Variants in PRSS12 observed in about 807,000 individuals in gnomAD.
PRSS12 encodes the protein neurotrypsin.
PRSS12 carries 85 observed loss-of-function variants against 104.4 expected under a neutral mutation model. That is an observed-to-expected ratio of 0.81 (90% CI 0.68 to 0.98). The LOEUF (loss-of-function observed/expected upper bound fraction) is 0.98. Among genes scored for constraint, PRSS12 ranks in the 50% least tolerant of loss-of-function variants. The probability of loss-of-function intolerance (pLI) is 0.00; values close to 1 mark genes in which losing one functional copy is unlikely to be tolerated. For synonymous variants in PRSS12, 454 were observed against 425.2 expected (o/e 1.07, Z -0.83); for missense variants, 1,141 against 1,139.2 (o/e 1.00, Z -0.02).
At chr4:118,328,118 G>C (rs1423373174) in intron 4 of PRSS12, among the ~76,000 whole-genome samples, 1 of 152,184 alleles carries the variant, frequency 6.6e-6, no homozygotes, top group Non-Finnish European at 1.5e-5. Context: ...ATCCTCATCT[G>C]AAAGTACTTA....
At chr4:118,298,295 CT>C (rs1404669511) in intron 9 of PRSS12, among the ~76,000 whole-genome samples, 1 of 151,970 alleles carries the variant, frequency 6.6e-6, no homozygotes, top group Non-Finnish European at 1.5e-5. Flanking sequence ...ACATCATTTT[CT>C]TTTTGAAATT....
At chr4:118,332,421 T>A (rs1054990908) in intron 3 of PRSS12, among the ~76,000 whole-genome samples, 1 of 152,138 alleles carries the variant, frequency 6.6e-6, no homozygotes, top group African/African-American at 2.4e-5. Context: ...ATGAATCAGC[T>A]CATATCCGTT....
chr4:118,282,195 G>C lies in PRSS12; in HGVS notation c.2369C>G (p.Pro790Arg), dbSNP rs1742895440. 3 of 1,614,172 alleles carry C rather than the reference G, an allele frequency of 1.9e-6. No individual in the cohort carries two copies. Among genetic ancestry groups the C allele is most frequent in the African/African-American group, 2.7e-5 (2 of 75,030 alleles). Residue 790 changes from proline to arginine, a missense_variant, in exon 13 of 13, where the codon CCT becomes CGT. Transcript: ENST00000296498. Reference protein sequence around the residue: ...TLQQAAIPLLPKRFCEERYKG... With the variant: ...TLQQAAIPLLRKRFCEERYKG... The stretch of plus-strand genomic sequence containing the variant: ...ATAACGTTCTTCACAAAACCTTTTA[G>C]GAAGTAAGGGAATGGCTGCTTGTTG...
In PRSS12 at chr4:118,298,754, C is replaced by T; in HGVS notation, c.1816G>A (p.Ala606Thr). ...GVICDYFGKKASGNSNKESLS... is the reference protein window; with the variant it reads ...GVICDYFGKKTSGNSNKESLS... ...TTACCTTTATTACTGTTACCTGAGG[C>T]CTTCTTGCCAAAATAATCACAAATA... is the stretch of plus-strand genomic sequence containing the variant. The change falls in exon 9 of 13, where the codon GCC becomes ACC. Residue 606 changes from alanine (A) to threonine (T), a missense_variant. Physicochemically the swap from Ala to Thr is moderately conservative, Grantham distance 58 (BLOSUM62 0). Coordinates refer to ENST00000296498, the MANE Select transcript of PRSS12 (RefSeq NM_003619.4). 1 of 1,614,032 alleles carries T rather than the reference C, an allele frequency of 6.2e-7. No individual in the cohort carries two copies. Among genetic ancestry groups the T allele is most frequent in the Non-Finnish European group, 8.5e-7 (1 of 1,179,992 alleles).
chr4:118,331,335 T>G (rs1251451020), intron 4 of PRSS12, among the ~76,000 whole-genome samples: 1 of 152,214 alleles, frequency 6.6e-6, no homozygotes, highest in Admixed American at 6.5e-5. Context: ...TTCAAAAGTT[T>G]AGACAACATT....
At chr4:118,287,477 G>A (rs1426696000) in intron 11 of PRSS12, among the ~76,000 whole-genome samples, 1 of 152,096 alleles carries the variant, frequency 6.6e-6, no homozygotes, top group African/African-American at 2.4e-5. Context: ...CCTAATTTAG[G>A]GAAATGTACC....
intron 1 of PRSS12, among the ~76,000 whole-genome samples, chr4:118,344,537 T>G (rs1056926164): frequency 3.9e-5 from 6 of 152,188 alleles, no homozygotes; most frequent in African/African-American, 1.2e-4. Context: ...ATCAAATCAT[T>G]TTTAACATAC....
intron 2 of PRSS12, among the ~76,000 whole-genome samples, chr4:118,336,104 T>G (rs961353689): frequency 1.3e-5 from 2 of 152,238 alleles, no homozygotes; most frequent in South Asian, 2.1e-4. Context: ...TCTTTCTGAC[T>G]CTAACATTCT....
intron 8 of PRSS12, among the ~76,000 whole-genome samples, chr4:118,299,813 A>AAAATAAATAAAATAAAAT (rs1743362030): frequency 1.1e-5 from 1 of 95,072 alleles, no homozygotes; most frequent in African/African-American, 3.9e-5. Flanking sequence ...TAAAATAAAT[A>AAAATAAATAAAATAAAAT]AAATAAAATA....
intron 8 of PRSS12, among the ~76,000 whole-genome samples, chr4:118,306,482 GA>G (rs1209963765): frequency 6.6e-6 from 1 of 152,188 alleles, no homozygotes; most frequent in Non-Finnish European, 1.5e-5. Flanking sequence ...AATCATGGCA[GA>G]AGGTGAAGGG....
intron 8 of PRSS12, among the ~76,000 whole-genome samples, chr4:118,301,641 C>T (rs1743409392): frequency 6.6e-6 from 1 of 152,166 alleles, no homozygotes. Flanking sequence ...GGTCTTCTAG[C>T]TTTAGTAAAG....
intron 4 of PRSS12, among the ~76,000 whole-genome samples, chr4:118,329,073 TGA>T (rs1723855250): frequency 6.6e-6 from 1 of 152,164 alleles, no homozygotes; most frequent in Non-Finnish European, 1.5e-5. Flanking sequence ...ATTACAGGTG[TGA>T]GCCACCGTGC....
chr4:118,281,874 TA>T lies in PRSS12; in HGVS notation c.*61del, dbSNP rs1742865471. 2.7e-5 allele frequency: 22 copies of T among 829,960 alleles called. No individual in the cohort carries two copies. In the South Asian group the frequency reaches 2.9e-4, roughly 11 times the overall value. The allele number at this position is 829,960 out of a possible 1,614,324, so 51.4% of individuals were successfully genotyped here. On this transcript the variant is annotated 3_prime_UTR_variant, in exon 13 of 13. Coordinates refer to ENST00000296498, the MANE Select transcript of PRSS12 (RefSeq NM_003619.4). ...ATTTGTTGTCATCTCTGCTGAGTGC[TA>T]ATAGTGGGGGTTCAAAGTTTTCCAT...
chr4:118,307,837 G>A (rs775291898), intron 8 of PRSS12, among the ~76,000 whole-genome samples: 1 of 151,914 alleles, frequency 6.6e-6, no homozygotes, highest in African/African-American at 2.4e-5. Flanking sequence ...ACAGCACTTC[G>A]GTACTATAAA....
chr4:118,349,930 G>C (rs1432065772), intron 1 of PRSS12, among the ~76,000 whole-genome samples: 1 of 152,164 alleles, frequency 6.6e-6, no homozygotes. Flanking sequence ...TTGAACCAGG[G>C]AGGCGGAGGT....
chr4:118,338,115 G>C, intron 2 of PRSS12, 61 bp downstream of exon 2: 1 of 1,598,438 alleles, frequency 6.3e-7, no homozygotes, highest in Non-Finnish European at 8.6e-7. Context: ...AGCAATGACG[G>C]GCACCCAGCA....
At chr4:118,313,624 A>G (rs1743819858) in intron 6 of PRSS12, among the ~76,000 whole-genome samples, 1 of 152,188 alleles carries the variant, frequency 6.6e-6, no homozygotes, top group South Asian at 2.1e-4. Flanking sequence ...CAAATGAAAA[A>G]TTAATACTTT....
intron 1 of PRSS12, among the ~76,000 whole-genome samples, chr4:118,344,989 C>G (rs1003427593): frequency 7.2e-5 from 11 of 152,138 alleles, no homozygotes; most frequent in Non-Finnish European, 1.3e-4. Flanking sequence ...ATCTTCTTGT[C>G]TCCCAGATCA....
At chr4:118,323,533 G>A (rs1723687537) in intron 4 of PRSS12, among the ~76,000 whole-genome samples, 1 of 151,116 alleles carries the variant, frequency 6.6e-6, no homozygotes, top group Admixed American at 6.6e-5. Context: ...AGGGAGGGAG[G>A]GAAGGAAGAA....
Sources: allele counts gnomAD v4.1 joint callset (sites outside exome capture counted in the v4.1 genomes callset), GRCh38; gene constraint gnomAD v4.1.1; transcripts MANE v1.5; gene names NCBI Gene and HGNC (gene_info 2026-07-23, HGNC 2026-07-21).